The following PCGF5 variants were observed in gnomAD, a reference collection of about 807,000 sequenced individuals.
PCGF5 encodes the protein polycomb group RING finger protein 5.
In PCGF5, 9 loss-of-function variants were observed where a neutral mutation model predicts 44.3. The ratio of observed to expected loss-of-function variants is 0.20; its 90% CI spans 0.12 to 0.35. PCGF5 has a LOEUF of 0.35. Among genes scored for constraint, PCGF5 ranks in the 10% least tolerant of loss-of-function variants. The pLI is 1.00. For missense variants in PCGF5, 146 were observed against 305.3 expected, an observed-to-expected ratio of 0.48 and a Z score of 3.89; for synonymous variants, 95 against 102.5, an observed-to-expected ratio of 0.93 and a Z score of 0.44.
chr10:91,212,241 C>G (rs946282120), intron 1 of PCGF5, among the ~76,000 whole-genome samples: 4 of 152,134 alleles, frequency 2.6e-5, no homozygotes, highest in African/African-American at 9.7e-5. Context: ...TTGCTTTTTG[C>G]CTTCATGCAG....
intron 1 of PCGF5, among the ~76,000 whole-genome samples, chr10:91,206,833 T>G (rs890771177): frequency 6.6e-6 from 1 of 152,230 alleles, no homozygotes; most frequent in Non-Finnish European, 1.5e-5. Flanking sequence ...CTGCACAGTT[T>G]AGTCCCTTAC....
At chr10:91,186,578 A>ATG (rs57685367) in intron 1 of PCGF5, among the ~76,000 whole-genome samples, 1 of 137,682 alleles carries the variant, frequency 7.3e-6, no homozygotes, top group African/African-American at 2.5e-5. Flanking sequence ...GTGTATATAT[A>ATG]TGTGTGTGTA....
intron 1 of PCGF5, among the ~76,000 whole-genome samples, chr10:91,204,589 G>A (rs539637353): frequency 6.6e-6 from 1 of 152,188 alleles, no homozygotes; most frequent in Non-Finnish European, 1.5e-5. Flanking sequence ...TTCCTTTCCA[G>A]ACAAATGTTT....
At chr10:91,159,287 T>G (rs1314257267), upstream of PCGF5, among the ~76,000 whole-genome samples, 1 of 152,214 alleles carries the variant, frequency 6.6e-6, no homozygotes, top group Non-Finnish European at 1.5e-5. Context: ...ACTGTCTATA[T>G]GCCAGGCACC....
chr10:91,241,145 G>C (rs905193246), intron 3 of PCGF5, among the ~76,000 whole-genome samples: 1 of 151,630 alleles, frequency 6.6e-6, no homozygotes, highest in African/African-American at 2.4e-5. Context: ...TGCGATCTCA[G>C]CTCACCGCAA....
intron 1 of PCGF5, among the ~76,000 whole-genome samples, chr10:91,199,754 A>G (rs1483064607): frequency 6.6e-6 from 1 of 152,008 alleles, no homozygotes; most frequent in Admixed American, 6.6e-5. Flanking sequence ...CCTTTATGCA[A>G]CCCTCTTGTT....
chr10:91,228,577 G>C (rs1844913397), intron 2 of PCGF5, among the ~76,000 whole-genome samples: 1 of 152,130 alleles, frequency 6.6e-6, no homozygotes, highest in African/African-American at 2.4e-5. Flanking sequence ...GACGTGATAA[G>C]AGACTCGGCG....
At chr10:91,172,038 A>T (rs1036883880) in intron 1 of PCGF5, among the ~76,000 whole-genome samples, 1 of 152,248 alleles carries the variant, frequency 6.6e-6, no homozygotes, top group Admixed American at 6.5e-5. Context: ...AAAATCCTTT[A>T]AACATTTTTA....
At chr10:91,223,917 A>T (rs1844747214) in intron 2 of PCGF5, among the ~76,000 whole-genome samples, 1 of 152,068 alleles carries the variant, frequency 6.6e-6, no homozygotes. Flanking sequence ...TCCAAAACCC[A>T]TGCTCTTTAA....
intron 2 of PCGF5, among the ~76,000 whole-genome samples, chr10:91,238,634 C>CTTTCTT (rs1185934545): frequency 6.3e-5 from 3 of 47,560 alleles, no homozygotes; most frequent in Admixed American, 2.5e-4. Context: ...TTTTTTTTGC[C>CTTTCTT]TCTTTCCCAA....
chr10:91,159,675 A>C (rs779837187), upstream of PCGF5, among the ~76,000 whole-genome samples: 2 of 152,220 alleles, frequency 1.3e-5, no homozygotes, highest in Non-Finnish European at 2.9e-5. Context: ...GAACTGGGCA[A>C]GAGTGTTTTA....
Position 91,214,620 on chromosome 10 carries a change from G to A in PCGF5, c.-183-8069G>A, listed in dbSNP as rs1328607331. On this transcript the variant is annotated intron_variant, in intron 1 of 9. Transcript: ENST00000614189. The stretch of plus-strand genomic sequence containing the variant: ...AAAACGCAGCATTAAGAACCCAGTT[G>A]ACCGGGATAGCATGTTTTTAGTAGT... 2.0e-5 allele frequency among the ~76,000 whole-genome samples: 3 copies of A among 152,342 alleles called. No individual in the cohort carries two copies. The East Asian group carries it at 5.8e-4, about 29-fold the overall frequency.
At chr10:91,278,134 A>G (rs1846361997) in intron 9 of PCGF5, 135 bp from the exon 10 acceptor site, 3 of 720,176 alleles carry the variant, frequency 4.2e-6, no homozygotes, top group African/African-American at 1.8e-5. Context: ...TGGTAACTCA[A>G]ATTTTAACTG....
intron 9 of PCGF5, among the ~76,000 whole-genome samples, chr10:91,274,282 C>T (rs1035096051): frequency 3.3e-5 from 5 of 152,122 alleles, no homozygotes; most frequent in East Asian, 1.9e-4. Flanking sequence ...GCAGGTGCTT[C>T]GATCAGTCAT....
At chr10:91,178,578 C>A (rs540859938) in intron 1 of PCGF5, among the ~76,000 whole-genome samples, 49 of 151,882 alleles carry the variant, frequency 3.2e-4, no homozygotes, top group Non-Finnish European at 5.7e-4. Flanking sequence ...TTTGTAGAGA[C>A]AGGGTTTCAC....
intron 1 of PCGF5, among the ~76,000 whole-genome samples, chr10:91,201,762 TTTTG>T (rs1417559143): frequency 1.3e-5 from 2 of 151,830 alleles, no homozygotes; most frequent in Non-Finnish European, 2.9e-5. Context: ...TTGGATGAAA[TTTTG>T]TTTAAGTGTG....
intron 1 of PCGF5, among the ~76,000 whole-genome samples, chr10:91,192,845 A>C (rs1444442897): frequency 6.6e-6 from 1 of 152,228 alleles, no homozygotes; most frequent in East Asian, 1.9e-4. Context: ...TGTGGCAGGC[A>C]GAGTGACCCC....
At chr10:91,247,010 GATAGATA>G (rs1341786627) in intron 3 of PCGF5, among the ~76,000 whole-genome samples, 3 of 116,738 alleles carry the variant, frequency 2.6e-5, no homozygotes, top group African/African-American at 9.8e-5. Context: ...TAGATAGATA[GATAGATA>G]GATAATCTGC....
chr10:91,184,257 C>CT (rs1261598941), intron 1 of PCGF5, among the ~76,000 whole-genome samples: 1 of 152,120 alleles, frequency 6.6e-6, no homozygotes, highest in Non-Finnish European at 1.5e-5. Flanking sequence ...TTGTTCATTT[C>CT]TTTTCATTCT....
Sources: allele counts gnomAD v4.1 joint callset (sites outside exome capture counted in the v4.1 genomes callset), GRCh38; gene constraint gnomAD v4.1.1; transcripts MANE v1.5; gene names NCBI Gene and HGNC (gene_info 2026-07-23, HGNC 2026-07-21).